FRMD8: variants seen among roughly 807,000 people sequenced by gnomAD.
FRMD8 encodes FERM domain-containing protein 8.
Under a neutral mutation model 54.2 loss-of-function variants are expected in FRMD8, and 37 were observed. The ratio of observed to expected loss-of-function variants is 0.68; its 90% CI spans 0.53 to 0.90. FRMD8 has a LOEUF of 0.90. Among genes scored for constraint, FRMD8 ranks in the 40% least tolerant of loss-of-function variants. The pLI, the probability that FRMD8 is intolerant of heterozygous loss-of-function variation, is 0.00. For synonymous variants in FRMD8, 246 were observed against 286.9 expected (o/e 0.86, Z 1.44); for missense variants, 585 against 653.7 (o/e 0.89, Z 1.15).
the FRMD8 span, chr11:65,376,608 T>C: frequency 4.3e-6 from 7 of 1,613,960 alleles, no homozygotes; most frequent in Non-Finnish European, 5.9e-6. Context: ...TGATCATGTC[T>C]AAGGGCGTGG....
intron 7 of FRMD8, among the ~76,000 whole-genome samples, chr11:65,398,263 A>C (rs1385842598): frequency 1.3e-5 from 2 of 152,146 alleles, no homozygotes; most frequent in East Asian, 3.8e-4. Context: ...CTCCCACAGC[A>C]CTGGGATCAT....
At chr11:65,376,876 G>A in the FRMD8 span, 3 of 1,614,232 alleles carry the variant, frequency 1.9e-6, no homozygotes, top group East Asian at 2.2e-5. Flanking sequence ...TGATGAAGTA[G>A]ATCCCCACCG....
In FRMD8 at chr11:65,400,795, CTT is replaced by C; in HGVS notation, c.1000_1001del (p.Leu334ValfsTer32). 1 of 1,613,024 alleles carries C rather than the reference CTT, an allele frequency of 6.2e-7. No homozygotes were observed. Among genetic ancestry groups the C allele is most frequent in the Non-Finnish European group, 8.5e-7 (1 of 1,179,734 alleles). On this transcript the variant is annotated frameshift_variant, in exon 9 of 11. Transcript: ENST00000317568. LOFTEE classifies it high-confidence loss of function. The surrounding 1 kb of genome is among the most constrained non-coding windows in gnomAD (Gnocchi z 4.3). ...CCTCCCCCGAGGAGGAGGAGCCCATCTTGTGGCTGGAGTTCGACGGGGACAGC... is the reference window on the plus strand; with the variant it reads ...CCTCCCCCGAGGAGGAGGAGCCCATCGTGGCTGGAGTTCGACGGGGACAGC... ...HTSPEEEEPI[L>X]WLEFDGDSEG...
chr11:65,379,395 C>G, the FRMD8 span: 2 of 1,610,880 alleles, frequency 1.2e-6, no homozygotes, highest in Non-Finnish European at 1.7e-6. Flanking sequence ...CCCCCCGGTG[C>G]AGCCCGCTAG....
At position 65,399,888 on chromosome 11, in the gene FRMD8, G is replaced by T. The variant is rs367967138; in HGVS notation, c.927+29G>T. 66 of 1,593,302 alleles carry T rather than the reference G, an allele frequency of 4.1e-5. 1 individual carries two copies. Among genetic ancestry groups the T allele is most frequent in the Middle Eastern group, 1.7e-4 (1 of 5,988 alleles). On this transcript the variant is annotated intron_variant, in intron 8 of 10. Transcript: ENST00000317568. ...CTGCCCCCAGCTCCTCCAGGGTGGA[G>T]AGGATGGGAGGGGGCTCCTGACTCA...
At chr11:65,409,098 T>G (rs1275975111) in intron 10 of FRMD8, among the ~76,000 whole-genome samples, 2 of 152,004 alleles carry the variant, frequency 1.3e-5, no homozygotes, top group Non-Finnish European at 2.9e-5. Context: ...GGAAATTTTT[T>G]TTTTTTTGAG....
intron 3 of FRMD8, among the ~76,000 whole-genome samples, chr11:65,389,899 G>A (rs545665539): frequency 1.2e-4 from 18 of 152,304 alleles, no homozygotes; most frequent in Admixed American, 7.2e-4. Context: ...ATTTCACCTT[G>A]TCCTCAGGCC....
chr11:65,393,626 G>A lies in FRMD8; in HGVS notation c.307G>A (p.Glu103Lys), dbSNP rs1478411325. ...QPYKLGRQWP[E>K]LLLRFTSAPD... ...CTACAAGCTGGGACGCCAGTGGCCG[G>A]AGCTGCTGCTGCGCTTCACCAGTGC... Residue 103 changes from glutamate (E) to lysine (K), a missense_variant, in exon 4 of 11, where the codon GAG (glutamate) becomes AAG (lysine). Coordinates refer to ENST00000317568, the MANE Select transcript of FRMD8 (RefSeq NM_031904.5). The A allele has an allele frequency of 1.2e-6, 2 of 1,608,500 alleles. No homozygotes were observed.
At chr11:65,377,416 G>A in the FRMD8 span, 35 of 1,165,024 alleles carry the variant, frequency 3.0e-5, no homozygotes, top group African/African-American at 5.3e-4. Context: ...AGCCGGCAGT[G>A]AGCATACCTG....
At position 65,412,845 on chromosome 11, in the gene FRMD8, T is replaced by C. The variant is rs1416254834; in HGVS notation, c.*1485T>C. On this transcript the variant is annotated 3_prime_UTR_variant, in exon 11 of 11. Coordinates refer to ENST00000317568, the MANE Select transcript of FRMD8 (RefSeq NM_031904.5). ...AGGCCTGGGAAGGGCCCCCAGTCTT[T>C]TGGAATGTCCTGGTCACAGGGTCAT... The C allele has an allele frequency of 6.6e-6, 1 of 152,214 alleles. No homozygotes were observed. Among genetic ancestry groups the C allele is most frequent in the African/African-American group, 2.4e-5 (1 of 41,452 alleles). 9.4% of individuals were successfully genotyped at this position (152,214 alleles called of 1,614,324 possible).
Position 65,387,140 on chromosome 11 carries a change from T to G in FRMD8, c.85+19T>G. Reference sequence around the variant, plus strand: ...GCCCGAGGTGGGTCCCACCCGCATCTCCTCTTCCACACCCTCCTGGGACCC... The same window carrying G: ...GCCCGAGGTGGGTCCCACCCGCATCGCCTCTTCCACACCCTCCTGGGACCC... On this transcript the variant is annotated intron_variant, in intron 2 of 10. Coordinates refer to ENST00000317568, the MANE Select transcript of FRMD8 (RefSeq NM_031904.5). The G allele has an allele frequency of 1.3e-6, 2 of 1,595,888 alleles. No homozygotes were observed. The highest frequency in any genetic ancestry group is 1.7e-6 in the Non-Finnish European group (2 of 1,173,310).
intron 3 of FRMD8, among the ~76,000 whole-genome samples, chr11:65,391,051 G>A (rs1007307084): frequency 6.6e-6 from 1 of 152,270 alleles, no homozygotes; most frequent in African/African-American, 2.4e-5. Flanking sequence ...CTGATGGGGT[G>A]AACCGGTGAC....
chr11:65,399,904 T>C, intron 8 of FRMD8, 45 bp downstream of exon 8: 1 of 1,580,208 alleles, frequency 6.3e-7, no homozygotes, highest in Non-Finnish European at 8.6e-7. Context: ...GGGAGGGGGC[T>C]CCTGACTCAG....
At position 65,412,430 on chromosome 11, in the gene FRMD8, ACT is replaced by A. The variant is rs1590664912; in HGVS notation, c.*1075_*1076del. 6.6e-6 allele frequency: 1 copy of A among 152,132 alleles called. No homozygotes were observed. Among genetic ancestry groups the A allele is most frequent in the Non-Finnish European group, 1.5e-5 (1 of 68,030 alleles). 9.4% of individuals were successfully genotyped at this position (152,132 alleles called of 1,614,324 possible). On this transcript the variant is annotated 3_prime_UTR_variant, in exon 11 of 11. Coordinates refer to ENST00000317568, the MANE Select transcript of FRMD8 (RefSeq NM_031904.5). Reference sequence around the variant, plus strand: ...CAGGAAAGCCTGGGCCACACGGGACACTCTCTTCTTTATCGAGGACACTTGGA... The same window carrying A: ...CAGGAAAGCCTGGGCCACACGGGACACTCTTCTTTATCGAGGACACTTGGA...
chr11:65,397,280 C>T (rs1855978976), intron 7 of FRMD8, among the ~76,000 whole-genome samples: 1 of 152,242 alleles, frequency 6.6e-6, no homozygotes, highest in African/African-American at 2.4e-5. Context: ...CGGCCGACCT[C>T]GCCTTCAGCC....
At position 65,396,976 on chromosome 11, in the gene FRMD8, C is replaced by T. The variant is rs1305634515; in HGVS notation, c.759C>T (p.His253=). Residue 253 remains histidine, a synonymous_variant, in exon 7 of 11, where the codon CAC becomes CAT. Coordinates refer to ENST00000317568, the MANE Select transcript of FRMD8 (RefSeq NM_031904.5). ...GGTGCGAGGCCGCCCTGGGCACCCA[C>T]TACCGCGCCTATCTCCTCAAGTGCC... ...DGGCEAALGT[H]YRAYLLKCHE... is the part of the protein sequence containing the mutation. 3 of 1,492,222 alleles carry T rather than the reference C, an allele frequency of 2.0e-6. No individual in the cohort carries two copies. The highest frequency in any genetic ancestry group is 2.7e-6 in the Non-Finnish European group (3 of 1,117,048). The allele number at this position is 1,492,222 out of a possible 1,614,324, so 92.4% of individuals were successfully genotyped here.
At chr11:65,392,407 G>A (rs533890746) in intron 3 of FRMD8, among the ~76,000 whole-genome samples, 16 of 152,332 alleles carry the variant, frequency 1.1e-4, no homozygotes, top group Admixed American at 3.3e-4. Flanking sequence ...GGCAGCGCTC[G>A]GGAAGCTTGG....
rs1855894824 is a variant in FRMD8 at position 65,394,040 on chromosome 11, G to A, written c.356-1G>A. The A allele has an allele frequency of 1.2e-6, 2 of 1,614,040 alleles. No homozygotes were observed. Among genetic ancestry groups the A allele is most frequent in the Admixed American group, 1.7e-5 (1 of 60,010 alleles). ...GGCAGTGACCCAGCCTCTCTCCCCA[G>A]ATGAGCCTTTCCTGCAGTTCCGAAG... On this transcript the variant is annotated splice_acceptor_variant, in intron 4 of 10. Coordinates refer to ENST00000317568, the MANE Select transcript of FRMD8 (RefSeq NM_031904.5). LOFTEE classifies it high-confidence loss of function.
rs1323433507 is a variant in FRMD8, at chr11:65,394,510, G to A, written c.581+85G>A. On this transcript the variant is annotated intron_variant, in intron 6 of 10. Transcript: ENST00000317568. ...GAACTTACAAGCAGTCTTCAGTCTC[G>A]CAAGGTGGGGGCAGGGTCCTGGAGT... 7.5e-6 allele frequency: 11 copies of A among 1,465,678 alleles called. 1 individual carries two copies. The highest frequency in any genetic ancestry group is 5.6e-5 in the African/African-American group (4 of 71,704). 90.8% of individuals were successfully genotyped at this position (1,465,678 alleles called of 1,614,324 possible).
Sources: allele counts gnomAD v4.1 joint callset (sites outside exome capture counted in the v4.1 genomes callset), GRCh38; gene constraint gnomAD v4.1.1; non-coding constraint Gnocchi (gnomAD v3.1); transcripts MANE v1.5; gene names NCBI Gene and HGNC (gene_info 2026-07-23, HGNC 2026-07-21).